The following FRS2 variants were observed in gnomAD, a reference collection of about 807,000 sequenced individuals.
The protein encoded by FRS2 is fibroblast growth factor receptor substrate 2.
A neutral mutation model predicts 43.9 loss-of-function variants in FRS2; 8 were observed. The observed-to-expected ratio is 0.18, with a 90% CI of 0.11 to 0.33. FRS2 has a LOEUF of 0.33. Among genes scored for constraint, FRS2 ranks in the 10% least tolerant of loss-of-function variants. The pLI is 1.00. For synonymous variants in FRS2, 219 were observed against 220.3 expected (o/e 0.99, Z 0.05); for missense variants, 534 against 627.6 (o/e 0.85, Z 1.59).
chr12:69,506,476 G>GT (rs1033845158), intron 1 of FRS2, among the ~76,000 whole-genome samples: 2 of 151,508 alleles, frequency 1.3e-5, no homozygotes, highest in Non-Finnish European at 1.5e-5. Context: ...TATGTATTCT[G>GT]TTTTTTTTCT....
chr12:69,514,210 C>G (rs912957698), intron 1 of FRS2, among the ~76,000 whole-genome samples: 15 of 152,126 alleles, frequency 9.9e-5, no homozygotes, highest in Admixed American at 7.9e-4. Flanking sequence ...GGTTGGAGAA[C>G]CAGATTCAGG....
chr12:69,501,561 T>C (rs1390935951), intron 1 of FRS2, among the ~76,000 whole-genome samples: 1 of 152,228 alleles, frequency 6.6e-6, no homozygotes, highest in Non-Finnish European at 1.5e-5. Context: ...TGCATTATAT[T>C]AGGGCTTTTA....
intron 3 of FRS2, among the ~76,000 whole-genome samples, chr12:69,538,197 T>TATATATATATATATA (rs1555189565): frequency 9.4e-4 from 77 of 81,598 alleles, no homozygotes; most frequent in African/African-American, 1.4e-3. Context: ...AAAACAAATT[T>TATATATATATATATA]TATATATATA....
chr12:69,536,579 AT>A (rs5798939), intron 3 of FRS2, among the ~76,000 whole-genome samples: 72,953 of 133,982 alleles, frequency 0.54, 18,691 homozygotes, highest in African/African-American at 0.68. Flanking sequence ...TTTTTTTTTA[AT>A]TTTTTTTTTT....
rs190575541 is a variant in FRS2, at chr12:69,553,734, G to A, written c.-121-8446G>A. Reference sequence around the variant, plus strand: ...CAGGGTGCCATTTTTAGGCCTTAGGGCTAAGGAATGGGCGTAGGTGGTAGG... The same window carrying A: ...CAGGGTGCCATTTTTAGGCCTTAGGACTAAGGAATGGGCGTAGGTGGTAGG... On this transcript the variant is annotated intron_variant, in intron 3 of 8. Coordinates refer to ENST00000549921, the MANE Select transcript of FRS2 (RefSeq NM_001278356.2). 3.5e-3 allele frequency among the ~76,000 whole-genome samples: 529 copies of A among 152,290 alleles called. 3 individuals carry two copies. The highest frequency in any genetic ancestry group is 0.012 in the African/African-American group (508 of 41,574).
chr12:69,574,177 A>T lies in FRS2; in HGVS notation c.749A>T (p.Lys250Ile). Residue 250 changes from lysine to isoleucine, a missense_variant, in exon 9 of 9, where the codon AAA becomes ATA. Physicochemically the swap from Lys to Ile is moderately radical, Grantham distance 102. Around this residue, in one of 3 missense-constraint regions of FRS2, gnomAD observed 446 missense variants for 494.2 expected, o/e 0.90. Coordinates refer to ENST00000549921, the MANE Select transcript of FRS2 (RefSeq NM_001278356.2). The part of the protein sequence containing the change: ...PQILLEPEGV[K>I]FVLGPTPVQK... ...ATTCTTCTTGAACCTGAAGGAGTCA[A>T]ATTTGTTTTAGGGCCAACCCCTGTT... The T allele has an allele frequency of 2.5e-6, 4 of 1,614,246 alleles. No homozygotes were observed. Among genetic ancestry groups the T allele is most frequent in the Non-Finnish European group, 3.4e-6 (4 of 1,180,048 alleles).
intron 3 of FRS2, among the ~76,000 whole-genome samples, chr12:69,538,682 C>T (rs200647573): frequency 8.5e-5 from 13 of 152,224 alleles, no homozygotes; most frequent in African/African-American, 2.4e-4. Context: ...TTATTCCTCA[C>T]ATTATACATT....
At chr12:69,518,543 T>G (rs1321859828) in intron 1 of FRS2, among the ~76,000 whole-genome samples, 1 of 150,892 alleles carries the variant, frequency 6.6e-6, no homozygotes, top group Non-Finnish European at 1.5e-5. Context: ...CCTGTCTCTG[T>G]GAAAACATAG....
At chr12:69,481,916 T>C (rs982675719) in intron 1 of FRS2, among the ~76,000 whole-genome samples, 3 of 151,968 alleles carry the variant, frequency 2.0e-5, no homozygotes, top group African/African-American at 7.2e-5. Flanking sequence ...GGTCAAGATA[T>C]AGTCTGGTTC....
At position 69,562,402 on chromosome 12, in the gene FRS2, G is replaced by A. The variant is rs61759362; in HGVS notation, c.-27+128G>A. ...CGGTTTCTAACTCTTGAGCTCAAGC[G>A]ATTCTCCACCTCAGCTTCCCAAAGT... is the stretch of plus-strand genomic sequence containing the variant. On this transcript the variant is annotated intron_variant, in intron 4 of 8. Coordinates refer to ENST00000549921, the MANE Select transcript of FRS2 (RefSeq NM_001278356.2). 571 of 386,456 alleles carry A rather than the reference G, an allele frequency of 1.5e-3. 4 individuals carry two copies. Among genetic ancestry groups the A allele is most frequent in the African/African-American group, 0.011 (516 of 48,344 alleles). 23.9% of individuals were successfully genotyped at this position (386,456 alleles called of 1,614,324 possible). A position where few individuals can be genotyped will look rare whatever the true frequency, so the allele number is the denominator to read the frequency against.
At chr12:69,507,015 ACT>A (rs1487794736) in intron 1 of FRS2, among the ~76,000 whole-genome samples, 2 of 152,062 alleles carry the variant, frequency 1.3e-5, no homozygotes, top group African/African-American at 4.8e-5. Context: ...CTGCCTCAGG[ACT>A]CTGCAGAGAG....
chr12:69,485,951 A>G (rs1668236265), intron 1 of FRS2, among the ~76,000 whole-genome samples: 1 of 152,180 alleles, frequency 6.6e-6, no homozygotes, highest in African/African-American at 2.4e-5. Flanking sequence ...ACATTTTTTT[A>G]TTTTAACTAG....
At chr12:69,488,630 G>A (rs1208595343) in intron 1 of FRS2, among the ~76,000 whole-genome samples, 1 of 152,006 alleles carries the variant, frequency 6.6e-6, no homozygotes, top group African/African-American at 2.4e-5. Flanking sequence ...ATCCTTCCAC[G>A]TTTTCATGCT....
chr12:69,552,942 T>C (rs1285511000), intron 3 of FRS2, among the ~76,000 whole-genome samples: 1 of 151,742 alleles, frequency 6.6e-6, no homozygotes, highest in Non-Finnish European at 1.5e-5. Context: ...GTTTATTAAG[T>C]GGTGGTTCTA....
chr12:69,492,667 A>AT (rs954557893), intron 1 of FRS2, among the ~76,000 whole-genome samples: 10 of 151,964 alleles, frequency 6.6e-5, no homozygotes, highest in Admixed American at 1.3e-4. Flanking sequence ...CTCCATATGG[A>AT]TTTTTTTTAG....
chr12:69,492,816 T>TG (rs1417496977), intron 1 of FRS2, among the ~76,000 whole-genome samples: 1 of 152,188 alleles, frequency 6.6e-6, no homozygotes, highest in East Asian at 1.9e-4. Context: ...ATTCTCTGTT[T>TG]GGTTCCATGG....
chr12:69,559,015 G>T (rs1879662295), intron 3 of FRS2, among the ~76,000 whole-genome samples: 2 of 152,116 alleles, frequency 1.3e-5, no homozygotes, highest in South Asian at 4.1e-4. Flanking sequence ...CTGAAATAAA[G>T]AAATGCCACT....
rs1879630048 is a variant in FRS2 at position 69,558,624 on chromosome 12, C to T, written c.-121-3556C>T. 1.3e-5 allele frequency among the ~76,000 whole-genome samples: 2 copies of T among 152,178 alleles called. 1 individual carries two copies. The highest frequency in any genetic ancestry group is 4.1e-4 in the South Asian group (2 of 4,828). ...GCTAACTCCCATCCACCTTTCAGGACTCAGTATAGGGACCAGCTTTCCCAG... is the reference window on the plus strand; with the variant it reads ...GCTAACTCCCATCCACCTTTCAGGATTCAGTATAGGGACCAGCTTTCCCAG... On this transcript the variant is annotated intron_variant, in intron 3 of 8. Transcript: ENST00000549921.
At chr12:69,507,722 G>C (rs772254971) in intron 1 of FRS2, among the ~76,000 whole-genome samples, 3 of 152,078 alleles carry the variant, frequency 2.0e-5, no homozygotes, top group African/African-American at 7.2e-5. Context: ...GTGCCCCTAA[G>C]TATGGTACTT....
Sources: gnomAD v4.1 joint callset for allele counts (sites outside exome capture counted in the v4.1 genomes callset) on GRCh38, gnomAD v4.1.1 for gene constraint, gnomAD v4.1.1 regional missense constraint, MANE v1.5 for transcripts, NCBI Gene and HGNC (gene_info 2026-07-23, HGNC 2026-07-21) for gene names.